FER1L6: variants seen among roughly 807,000 people sequenced by gnomAD.
FER1L6 encodes the protein fer-1 like family member 6.
In FER1L6, 177 loss-of-function variants were observed where a neutral mutation model predicts 219.2. The ratio of observed to expected loss-of-function variants is 0.81; its 90% CI spans 0.71 to 0.91. The LOEUF is 0.91. FER1L6 is among the 40% of genes least tolerant of loss of function. FER1L6 has a pLI of 0.00. For synonymous variants in FER1L6, 768 were observed against 824.3 expected (o/e 0.93, Z 1.17); for missense variants, 2,153 against 2,259.9 (o/e 0.95, Z 0.96).
intron 15 of FER1L6, 105 bp from the exon 16 acceptor site, chr8:124,017,523 C>T (rs1231975573): frequency 1.6e-4 from 132 of 819,266 alleles, no homozygotes; most frequent in African/African-American, 1.7e-5. Context: ...TTTATGGCTT[C>T]AAAAGCTTTC....
intron 1 of FER1L6, among the ~76,000 whole-genome samples, chr8:123,898,659 G>GTA (rs1459198195): frequency 0.033 from 3,898 of 116,826 alleles, 181 homozygotes; most frequent in African/African-American, 0.12. Flanking sequence ...ATATATATAT[G>GTA]TATATATATA....
chr8:123,881,545 C>T (rs1302255450), intron 1 of FER1L6, among the ~76,000 whole-genome samples: 2 of 152,094 alleles, frequency 1.3e-5, no homozygotes, highest in African/African-American at 4.8e-5. Flanking sequence ...GGCCTTTTGT[C>T]CAGAGAATGC....
At chr8:124,031,553 A>G (rs1818966704) in intron 18 of FER1L6, among the ~76,000 whole-genome samples, 1 of 152,190 alleles carries the variant, frequency 6.6e-6, no homozygotes, top group African/African-American at 2.4e-5. Context: ...CTTTATGGCC[A>G]ATTTTTACAT....
intron 1 of FER1L6, among the ~76,000 whole-genome samples, chr8:123,855,924 T>A (rs1434518780): frequency 1.4e-5 from 2 of 147,118 alleles, no homozygotes; most frequent in Admixed American, 6.8e-5. Context: ...GTATATTGTA[T>A]ATATTACTAA....
Position 124,091,442 on chromosome 8 carries a change from A to C in FER1L6, c.4411A>C (p.Arg1471=), listed in dbSNP as rs1164005949. ...QYEIEGYNAW[R]DTSKPTEILT... is the part of the protein sequence containing the mutation. ...TTTCAGAGAAGGATACAATGCCTGG[A>C]GAGACACGTCCAAACCCACCGAAAT... Residue 1471 remains arginine (R), a synonymous_variant, in exon 34 of 41, where the codon AGA becomes CGA. Coordinates refer to ENST00000522917, the MANE Select transcript of FER1L6 (RefSeq NM_001039112.2). 4 of 1,613,516 alleles carry C rather than the reference A, an allele frequency of 2.5e-6. No individual in the cohort carries two copies. Among genetic ancestry groups the C allele is most frequent in the Non-Finnish European group, 3.4e-6 (4 of 1,179,758 alleles).
At chr8:124,080,474 C>T (rs866114013) in intron 32 of FER1L6, among the ~76,000 whole-genome samples, 3 of 152,144 alleles carry the variant, frequency 2.0e-5, no homozygotes, top group Middle Eastern at 3.4e-3. Context: ...CCTGCCACCA[C>T]GCCGGGCTAA....
intron 25 of FER1L6, among the ~76,000 whole-genome samples, chr8:124,062,928 C>G (rs1820653200): frequency 6.6e-6 from 1 of 152,348 alleles, no homozygotes; most frequent in African/African-American, 2.4e-5. Flanking sequence ...CCATTTTTCT[C>G]CTCTTCAGCA....
chr8:123,856,316 G>GTATGTATATATATATATATATA (rs1554608010), intron 1 of FER1L6, among the ~76,000 whole-genome samples: 1 of 45,112 alleles, frequency 2.2e-5, no homozygotes, highest in African/African-American at 8.7e-5. Flanking sequence ...ATATGTATGT[G>GTATGTATATATATATATATATA]TATATATATA....
intron 15 of FER1L6, among the ~76,000 whole-genome samples, chr8:124,015,252 G>T (rs1420280453): frequency 2.0e-5 from 3 of 152,040 alleles, no homozygotes; most frequent in Non-Finnish European, 4.4e-5. Context: ...CAAAGGGAGG[G>T]GATTACACAG....
At chr8:123,907,980 A>G (rs1489697404) in intron 1 of FER1L6, among the ~76,000 whole-genome samples, 2 of 152,040 alleles carry the variant, frequency 1.3e-5, no homozygotes, top group African/African-American at 2.4e-5. Context: ...TAAGTGATGT[A>G]TTTGTTTCTA....
At chr8:124,075,696 T>C (rs1252240662) in intron 31 of FER1L6, among the ~76,000 whole-genome samples, 3 of 152,232 alleles carry the variant, frequency 2.0e-5, no homozygotes, top group African/African-American at 7.2e-5. Context: ...ACCACAAACA[T>C]GCGAGTAATG....
At chr8:124,023,690 C>T in intron 18 of FER1L6, 94 bp downstream of exon 18, 1 of 1,316,240 alleles carries the variant, frequency 7.6e-7, no homozygotes, top group Non-Finnish European at 1.0e-6. Context: ...TCTGACCATT[C>T]CCCAGTGCTT....
At chr8:124,105,067 T>C (rs1392501724) in intron 39 of FER1L6, among the ~76,000 whole-genome samples, 1 of 152,172 alleles carries the variant, frequency 6.6e-6, no homozygotes, top group Non-Finnish European at 1.5e-5. Context: ...GACAAAGCAC[T>C]GAATCAAAGC....
intron 33 of FER1L6, among the ~76,000 whole-genome samples, chr8:124,090,560 A>T (rs890353981): frequency 6.6e-6 from 1 of 152,166 alleles, no homozygotes; most frequent in Non-Finnish European, 1.5e-5. Flanking sequence ...CCTTTTCAGG[A>T]TTCTTTGGCA....
chr8:123,921,129 A>G (rs1256919703), intron 1 of FER1L6, among the ~76,000 whole-genome samples: 1 of 152,172 alleles, frequency 6.6e-6, no homozygotes, highest in Non-Finnish European at 1.5e-5. Context: ...GCTATTATCA[A>G]TAGTGCTGTT....
Position 123,980,815 on chromosome 8 carries a change from G to T in FER1L6, c.1410+4G>T. The T allele has an allele frequency of 1.2e-6, 2 of 1,609,548 alleles. No homozygotes were observed. The highest frequency in any genetic ancestry group is 1.7e-6 in the Non-Finnish European group (2 of 1,177,644). The stretch of plus-strand genomic sequence containing the variant: ...ATCGTTCGATGTCCCCCCGGAGGTA[G>T]GTCTAGGCACTGCATTATGGTACTT... On this transcript the variant is annotated splice_donor_region_variant and intron_variant, in intron 11 of 40. Transcript: ENST00000522917.
chr8:123,969,463 G>C (rs1304690011), intron 5 of FER1L6, among the ~76,000 whole-genome samples: 1 of 152,150 alleles, frequency 6.6e-6, no homozygotes, highest in Admixed American at 6.5e-5. Context: ...GGGTTGATAA[G>C]ATTATAGAGA....
intron 1 of FER1L6, among the ~76,000 whole-genome samples, chr8:123,864,095 G>A (rs1375231234): frequency 2.0e-5 from 3 of 147,858 alleles, no homozygotes; most frequent in Non-Finnish European, 4.5e-5. Context: ...TTACATTTTG[G>A]CATGATTTTG....
chr8:123,887,164 A>T (rs1054956898), intron 1 of FER1L6, among the ~76,000 whole-genome samples: 13 of 152,126 alleles, frequency 8.5e-5, no homozygotes, highest in African/African-American at 3.1e-4. Flanking sequence ...TAAACTCCTA[A>T]TTTTAGTTGG....
Sources: allele counts gnomAD v4.1 joint callset (sites outside exome capture counted in the v4.1 genomes callset), GRCh38; gene constraint gnomAD v4.1.1; transcripts MANE v1.5; gene names NCBI Gene and HGNC (gene_info 2026-07-23, HGNC 2026-07-21).